IKZF2: variants seen among roughly 807,000 people sequenced by gnomAD.
IKZF2 encodes the protein IKAROS family zinc finger 2.
A neutral mutation model predicts 49.2 loss-of-function variants in IKZF2; 15 were observed. The observed-to-expected ratio is 0.30, with a 90% CI of 0.20 to 0.47. IKZF2 has a LOEUF of 0.47. IKZF2 is among the 20% of genes least tolerant of loss of function. IKZF2 has a pLI of 1.00. For missense variants in IKZF2, 567 were observed against 664.6 expected, an observed-to-expected ratio of 0.85 and a Z score of 1.61; for synonymous variants, 227 against 221.4, an observed-to-expected ratio of 1.03 and a Z score of -0.23.
intron 4 of IKZF2, among the ~76,000 whole-genome samples, chr2:213,127,078 T>A (rs144485039): frequency 1.3e-5 from 2 of 152,350 alleles, no homozygotes; most frequent in African/African-American, 4.8e-5. Flanking sequence ...CATCAAATGC[T>A]ATTACAGGAC....
intron 6 of IKZF2, among the ~76,000 whole-genome samples, chr2:213,036,086 A>G (rs1002766926): frequency 6.6e-6 from 1 of 152,130 alleles, no homozygotes; most frequent in African/African-American, 2.4e-5. Flanking sequence ...TTTTGTTCTA[A>G]GCTGCTATAT....
intron 4 of IKZF2, among the ~76,000 whole-genome samples, chr2:213,069,963 G>T (rs1466477850): frequency 2.0e-5 from 3 of 151,970 alleles, no homozygotes; most frequent in Non-Finnish European, 4.4e-5. Context: ...TTACCTAGTG[G>T]CAAGGTAGCC....
intron 4 of IKZF2, among the ~76,000 whole-genome samples, chr2:213,066,885 T>C (rs1702215215): frequency 6.6e-6 from 1 of 152,130 alleles, no homozygotes; most frequent in African/African-American, 2.4e-5. Context: ...GTTTAAATGC[T>C]TACTTATATA....
intron 4 of IKZF2, among the ~76,000 whole-genome samples, chr2:213,070,414 T>C (rs77665744): frequency 0.014 from 2,147 of 152,220 alleles, 61 homozygotes; most frequent in African/African-American, 0.049. Context: ...TTAAAACTCC[T>C]GTTACTACTT....
At chr2:213,122,393 C>T (rs1223876929) in intron 4 of IKZF2, among the ~76,000 whole-genome samples, 1 of 152,238 alleles carries the variant, frequency 6.6e-6, no homozygotes, top group African/African-American at 2.4e-5. Flanking sequence ...ATTAGAGTCG[C>T]AGGCTCCTCC....
At chr2:213,068,151 G>C (rs1317670236) in intron 4 of IKZF2, among the ~76,000 whole-genome samples, 1 of 152,042 alleles carries the variant, frequency 6.6e-6, no homozygotes, top group Non-Finnish European at 1.5e-5. Flanking sequence ...TAGTTAAAGG[G>C]CATATAAATG....
At chr2:213,129,469 T>C (rs2060397025) in intron 4 of IKZF2, among the ~76,000 whole-genome samples, 1 of 151,008 alleles carries the variant, frequency 6.6e-6, no homozygotes, top group African/African-American at 2.4e-5. Context: ...GGAACGAACT[T>C]GCCATGTCCC....
At chr2:213,090,672 T>C (rs989355274) in intron 4 of IKZF2, among the ~76,000 whole-genome samples, 3 of 152,134 alleles carry the variant, frequency 2.0e-5, no homozygotes, top group Admixed American at 6.6e-5. Flanking sequence ...TTGTGACTGG[T>C]GTCCTTACAA....
chr2:213,030,229 C>T (rs1403191171), intron 6 of IKZF2, among the ~76,000 whole-genome samples: 1 of 151,782 alleles, frequency 6.6e-6, no homozygotes, highest in African/African-American at 2.4e-5. Context: ...TAAAATTCTG[C>T]CTGATATGGA....
intron 6 of IKZF2, among the ~76,000 whole-genome samples, chr2:213,033,730 A>G (rs1698722753): frequency 6.6e-6 from 1 of 152,236 alleles, no homozygotes; most frequent in Admixed American, 6.5e-5. Flanking sequence ...TTCCATTTAT[A>G]GAGCACAGGC....
intron 6 of IKZF2, among the ~76,000 whole-genome samples, chr2:213,023,127 C>T (rs958774283): frequency 1.3e-5 from 2 of 152,096 alleles, no homozygotes; most frequent in Non-Finnish European, 2.9e-5. Context: ...GATCCAGGCC[C>T]GTGTCTCTAT....
Position 213,000,040 on chromosome 2 carries a change from C to A in IKZF2, c.*7320G>T, listed in dbSNP as rs938709200. The A allele has an allele frequency of 6.6e-6, 1 of 151,742 alleles. No homozygotes were observed. Among genetic ancestry groups the A allele is most frequent in the Non-Finnish European group, 1.5e-5 (1 of 67,614 alleles). The allele number at this position is 151,742 out of a possible 1,614,324, so 9.4% of individuals were successfully genotyped here. A position where few individuals can be genotyped will look rare whatever the true frequency, so the allele number is the denominator to read the frequency against. On this transcript the variant is annotated 3_prime_UTR_variant, in exon 9 of 9. Coordinates refer to ENST00000434687, the MANE Select transcript of IKZF2 (RefSeq NM_001387220.1). Reference sequence around the variant, plus strand: ...CATTAAAAACAAAGAAGATACAAGTCCCACATTTTAGTCTGCAGTGATAAA... The same window carrying A: ...CATTAAAAACAAAGAAGATACAAGTACCACATTTTAGTCTGCAGTGATAAA...
At chr2:213,105,581 G>C (rs1026661485) in intron 4 of IKZF2, among the ~76,000 whole-genome samples, 4 of 148,832 alleles carry the variant, frequency 2.7e-5, no homozygotes, top group Non-Finnish European at 4.5e-5. Context: ...TGTAGTGTGT[G>C]GGGGGGGAAG....
chr2:213,049,910 C>A, intron 5 of IKZF2, 30 bp from the exon 6 acceptor site: 1 of 1,484,644 alleles, frequency 6.7e-7, no homozygotes, highest in South Asian at 1.4e-5. Flanking sequence ...TGGGAAGTAT[C>A]AACTAGGGTA....
intron 4 of IKZF2, among the ~76,000 whole-genome samples, chr2:213,101,825 G>A (rs1278365181): frequency 6.6e-6 from 1 of 152,106 alleles, no homozygotes; most frequent in Non-Finnish European, 1.5e-5. Context: ...TCAGTAGCAC[G>A]AACGATAGTA....
At chr2:213,018,208 T>C (rs1015665323) in intron 7 of IKZF2, among the ~76,000 whole-genome samples, 37 of 152,120 alleles carry the variant, frequency 2.4e-4, no homozygotes, top group Non-Finnish European at 4.6e-4. Flanking sequence ...AAAGATAATA[T>C]TGAACAAGAT....
chr2:213,120,739 C>A (rs2060026491), intron 4 of IKZF2, among the ~76,000 whole-genome samples: 1 of 152,056 alleles, frequency 6.6e-6, no homozygotes, highest in Non-Finnish European at 1.5e-5. Context: ...CTTTATCCTG[C>A]ACTTTATATA....
rs1217468667 is a variant in IKZF2 at position 213,129,640 on chromosome 2, A to G, written c.139+18068T>C. On this transcript the variant is annotated intron_variant, in intron 4 of 8. Transcript: ENST00000434687. ...GTTTCAGTGGAAAGCTTTTGTGTTT[A>G]AAGCAATGAATTGTTATGATCTGAT... is the stretch of plus-strand genomic sequence containing the variant. Among the ~76,000 whole-genome samples, 5 of 152,152 alleles carry G rather than the reference A, an allele frequency of 3.3e-5. No homozygotes were observed. The East Asian group carries it at 9.6e-4, about 29-fold the overall frequency.
At chr2:213,017,111 C>T (rs780990751) in intron 7 of IKZF2, 23 of 152,128 alleles carry the variant, frequency 1.5e-4, no homozygotes, top group Non-Finnish European at 3.1e-4. Context: ...CTGACACTTG[C>T]TTTGGCTTCT....
Sources: gnomAD v4.1 joint callset for allele counts (sites outside exome capture counted in the v4.1 genomes callset) on GRCh38, gnomAD v4.1.1 for gene constraint, MANE v1.5 for transcripts, NCBI Gene and HGNC (gene_info 2026-07-23, HGNC 2026-07-21) for gene names.